The following LRRTM3 variants were observed in gnomAD, a reference collection of about 807,000 sequenced individuals.
The protein encoded by LRRTM3 is leucine-rich repeat transmembrane neuronal protein 3.
In LRRTM3, 24 loss-of-function variants were observed where a neutral mutation model predicts 44.7. That is an observed-to-expected ratio of 0.54 (90% CI 0.39 to 0.76). The LOEUF is 0.76. Ranked by LOEUF, LRRTM3 falls within the 30% of genes least tolerant of loss-of-function variation. The pLI is 0.00. For missense variants in LRRTM3, 587 were observed against 702.2 expected, an observed-to-expected ratio of 0.84 and a Z score of 1.85; for synonymous variants, 277 against 278.7, an observed-to-expected ratio of 0.99 and a Z score of 0.06.
chr10:67,032,011 G>A (rs1471750338), intron 2 of LRRTM3, among the ~76,000 whole-genome samples: 2 of 152,082 alleles, frequency 1.3e-5, no homozygotes, highest in Non-Finnish European at 2.9e-5. Flanking sequence ...TATATAAAAT[G>A]GTTTATGGCC....
chr10:66,946,045 AAC>A, intron 2 of LRRTM3, among the ~76,000 whole-genome samples: 1 of 152,352 alleles, frequency 6.6e-6, no homozygotes, highest in African/African-American at 2.4e-5. Context: ...AACAAAATGT[AAC>A]ACAGAGACAT....
intron 2 of LRRTM3, among the ~76,000 whole-genome samples, chr10:67,070,427 T>C (rs1445911258): frequency 6.6e-6 from 1 of 152,108 alleles, no homozygotes. Flanking sequence ...TCTCTATATA[T>C]ATATTTTTTA....
intron 2 of LRRTM3, among the ~76,000 whole-genome samples, chr10:67,072,554 G>C (rs1421444412): frequency 1.3e-5 from 2 of 152,168 alleles, no homozygotes; most frequent in African/African-American, 2.4e-5. Flanking sequence ...ACAGAGGCTG[G>C]ACGTCTCAAG....
chr10:67,084,502 ACAG>A lies in LRRTM3; in HGVS notation c.1537-13081_1537-13079del, dbSNP rs200088933. Among the ~76,000 whole-genome samples the A allele has an allele frequency of 8.3e-3, 1,255 of 152,092 alleles. 15 individuals carry two copies. Among genetic ancestry groups the A allele is most frequent in the African/African-American group, 0.022 (910 of 41,542 alleles). On this transcript the variant is annotated intron_variant, in intron 2 of 2. Transcript: ENST00000361320. ...TATAATTCTACTCTAAATTTCATTC[ACAG>A]CAGAACACCCTCAGCCATGAGAAAA... is the stretch of plus-strand genomic sequence containing the variant.
chr10:66,927,201 C>T lies in LRRTM3; in HGVS notation c.285C>T (p.Asn95=), dbSNP rs267602549. 39 of 1,614,064 alleles carry T rather than the reference C, an allele frequency of 2.4e-5. No individual in the cohort carries two copies. The highest frequency in any genetic ancestry group is 3.0e-5 in the Non-Finnish European group (35 of 1,180,050). The change falls in exon 2 of 3, where the codon AAC becomes AAT. Residue 95 remains asparagine (N), a synonymous_variant. Transcript: ENST00000361320. This position sits in a 1 kb window ranked among gnomAD's most constrained non-coding sequence, Gnocchi z 4.7. ...TCACCTGGCTATACCTTGACCATAA[C>T]CATATCAGCAATATTGACGAAAATG... ...NQLTWLYLDH[N]HISNIDENAF...
chr10:67,000,983 GA>G (rs1851650126), intron 2 of LRRTM3, among the ~76,000 whole-genome samples: 1 of 152,054 alleles, frequency 6.6e-6, no homozygotes, highest in African/African-American at 2.4e-5. Context: ...GAGAAAATAG[GA>G]AGGAATAGTC....
At chr10:67,012,549 T>C (rs866221825) in intron 2 of LRRTM3, among the ~76,000 whole-genome samples, 15 of 152,346 alleles carry the variant, frequency 9.8e-5, no homozygotes, top group Middle Eastern at 3.4e-3. Flanking sequence ...AAAAGCATCA[T>C]TGTTCTTTTT....
At chr10:67,054,390 C>G (rs1333709693) in intron 2 of LRRTM3, among the ~76,000 whole-genome samples, 1 of 151,886 alleles carries the variant, frequency 6.6e-6, no homozygotes, top group Non-Finnish European at 1.5e-5. Context: ...GCTAAGTGAC[C>G]AATGAGGACA....
chr10:67,028,151 G>A (rs114371473), intron 2 of LRRTM3, among the ~76,000 whole-genome samples: 1 of 152,132 alleles, frequency 6.6e-6, no homozygotes, highest in Non-Finnish European at 1.5e-5. Flanking sequence ...CACTGCATTG[G>A]ACAACTTTAT....
chr10:67,019,303 C>T (rs543141787), intron 2 of LRRTM3, among the ~76,000 whole-genome samples: 8 of 152,350 alleles, frequency 5.3e-5, no homozygotes, highest in Non-Finnish European at 1.5e-5. Flanking sequence ...ACCACAACCT[C>T]TGCCTTCCGG....
At chr10:67,077,300 AATC>A (rs1856793299) in intron 2 of LRRTM3, among the ~76,000 whole-genome samples, 1 of 152,166 alleles carries the variant, frequency 6.6e-6, no homozygotes, top group Admixed American at 6.5e-5. Flanking sequence ...CTCGTGCTTA[AATC>A]CTTCATTGGC....
intron 2 of LRRTM3, among the ~76,000 whole-genome samples, chr10:67,048,070 A>G (rs1455087931): frequency 6.6e-6 from 1 of 152,116 alleles, no homozygotes; most frequent in Non-Finnish European, 1.5e-5. Flanking sequence ...ACCTCTCTAA[A>G]TAGTCTAGAA....
intron 2 of LRRTM3, among the ~76,000 whole-genome samples, chr10:66,933,649 C>T (rs1208771245): frequency 6.6e-6 from 1 of 152,086 alleles, no homozygotes; most frequent in East Asian, 1.9e-4. Flanking sequence ...GAAGACTGTG[C>T]CCAAGATCTC....
At position 66,946,821 on chromosome 10, in the gene LRRTM3, C is replaced by T. The variant is rs16923819; in HGVS notation, c.1536+18369C>T. 0.028 allele frequency among the ~76,000 whole-genome samples: 4,320 copies of T among 152,128 alleles called. 388 individuals carry two copies. In the East Asian group the frequency reaches 0.36, roughly 13 times the overall value. On this transcript the variant is annotated intron_variant, in intron 2 of 2. Transcript: ENST00000361320. ...CCCTCTTATTCAAATGATGGATCTA[C>T]GTATGTACTTGGAAGTTCTTGATAA...
intron 2 of LRRTM3, among the ~76,000 whole-genome samples, chr10:67,011,295 C>A (rs1160179095): frequency 6.8e-6 from 1 of 148,122 alleles, no homozygotes; most frequent in African/African-American, 2.5e-5. Flanking sequence ...GAGCCAAGAT[C>A]ATGCCACTGC....
chr10:66,954,968 GA>G, intron 2 of LRRTM3, among the ~76,000 whole-genome samples: 1 of 152,232 alleles, frequency 6.6e-6, no homozygotes, highest in South Asian at 2.1e-4. Context: ...TCTCAATTAG[GA>G]AAAGTACCAA....
Position 67,005,682 on chromosome 10 carries a change from C to CTTT in LRRTM3, c.1536+77249_1536+77251dup, listed in dbSNP as rs11369576. Among the ~76,000 whole-genome samples, 46 of 61,980 alleles carry CTTT rather than the reference C, an allele frequency of 7.4e-4. 6 individuals are homozygous for CTTT. Among genetic ancestry groups the CTTT allele is most frequent in the South Asian group, 1.0e-3 (1 of 992 alleles). 40.7% of individuals were successfully genotyped at this position (61,980 alleles called of 152,430 possible). A position where few individuals can be genotyped will look rare whatever the true frequency, so the allele number is the denominator to read the frequency against. On this transcript the variant is annotated intron_variant, in intron 2 of 2. Transcript: ENST00000361320. Reference sequence around the variant, plus strand: ...AATGCTTTTGTTTATTTTACTCCATCTTTTTTTTTTTTTTTTTTTTTGAGA... The same window carrying CTTT: ...AATGCTTTTGTTTATTTTACTCCATCTTTTTTTTTTTTTTTTTTTTTTTTGAGA...
chr10:66,935,577 T>C (rs1420137445), intron 2 of LRRTM3, among the ~76,000 whole-genome samples: 1 of 151,980 alleles, frequency 6.6e-6, no homozygotes, highest in African/African-American at 2.4e-5. Context: ...GCAGAGGACA[T>C]ATTACATACG....
At chr10:66,967,823 T>A (rs4746650) in intron 2 of LRRTM3, among the ~76,000 whole-genome samples, 1 of 151,980 alleles carries the variant, frequency 6.6e-6, no homozygotes, top group East Asian at 1.9e-4. Flanking sequence ...AAAGAATATA[T>A]CCCCTCGAAA....
Sources: allele counts gnomAD v4.1 joint callset (sites outside exome capture counted in the v4.1 genomes callset), GRCh38; gene constraint gnomAD v4.1.1; non-coding constraint Gnocchi (gnomAD v3.1); transcripts MANE v1.5; gene names NCBI Gene and HGNC (gene_info 2026-07-23, HGNC 2026-07-21).